The following NEXMIF variants were observed in gnomAD, a reference collection of about 807,000 sequenced individuals.
The protein encoded by NEXMIF is XLMR protein related to neurite extension.
In NEXMIF, 8 loss-of-function variants were observed where a neutral mutation model predicts 62.1. The ratio of observed to expected loss-of-function variants is 0.13; its 90% confidence interval spans 0.08 to 0.23. The LOEUF (loss-of-function observed/expected upper bound fraction) is 0.23, where lower values mean the gene tolerates loss of function less well. Ranked by LOEUF, NEXMIF falls within the 10% of genes least tolerant of loss-of-function variation. NEXMIF has a pLI of 1.00. For missense variants in NEXMIF, 976 were observed against 1,113.3 expected (o/e 0.88, Z 1.75); for synonymous variants, 404 against 416.6 (o/e 0.97, Z 0.37).
intron 1 of NEXMIF, among the ~76,000 whole-genome samples, chrX:74,885,930 C>T (rs1165563034): frequency 2.7e-5 from 3 of 111,979 alleles, no homozygotes; most frequent in Non-Finnish European, 3.8e-5. Context: ...TCCAGCAACA[C>T]ATCAAAAAGC....
intron 1 of NEXMIF, among the ~76,000 whole-genome samples, chrX:74,843,911 G>T (rs1297571848): frequency 8.9e-6 from 1 of 111,978 alleles, no homozygotes; most frequent in Non-Finnish European, 1.9e-5. Flanking sequence ...TTTTGTATTA[G>T]CCAGTAGCAG....
In NEXMIF at chrX:74,861,291, G is replaced by A. The variant is rs189356220; in HGVS notation, c.-48+63592C>T. 1.6e-4 allele frequency among the ~76,000 whole-genome samples: 18 copies of A among 111,807 alleles called. No individual in the cohort carries two copies. In the East Asian group the frequency reaches 3.7e-3, roughly 23 times the overall value. ...GAAATAAGACAGGCAGGCAAGATTA[G>A]AAGAAACAGAATAACAAGGAATGAA... On this transcript the variant is annotated intron_variant, in intron 1 of 3. Transcript: ENST00000055682.
intron 1 of NEXMIF, among the ~76,000 whole-genome samples, chrX:74,868,418 T>G (rs1438729963): frequency 9.0e-6 from 1 of 111,718 alleles, no homozygotes; most frequent in Non-Finnish European, 1.9e-5. Flanking sequence ...AAATGTGGTA[T>G]ATATACACCA....
intron 1 of NEXMIF, among the ~76,000 whole-genome samples, chrX:74,843,933 G>A (rs758457463): frequency 1.3e-4 from 14 of 111,830 alleles, no homozygotes; most frequent in East Asian, 2.8e-4. Context: ...CTTTCCTTTC[G>A]ATATTTAGTG....
At chrX:74,844,221 C>T (rs956136990) in intron 1 of NEXMIF, among the ~76,000 whole-genome samples, 1 of 111,273 alleles carries the variant, frequency 9.0e-6, no homozygotes, top group African/African-American at 3.3e-5. Context: ...TTCTTTCTTT[C>T]ATTTTGACCT....
intron 1 of NEXMIF, among the ~76,000 whole-genome samples, chrX:74,747,361 G>A (rs1364567455): frequency 9.0e-6 from 1 of 110,980 alleles, no homozygotes; most frequent in Non-Finnish European, 1.9e-5. Flanking sequence ...CACAATGAGA[G>A]ATCTATGAAA....
At chrX:74,749,957 G>T (rs1468885061) in intron 1 of NEXMIF, among the ~76,000 whole-genome samples, 2 of 111,738 alleles carry the variant, frequency 1.8e-5, no homozygotes, top group East Asian at 5.6e-4. Context: ...GGCTGAAATA[G>T]GTACAAACAA....
At chrX:74,846,050 A>G (rs2080490953) in intron 1 of NEXMIF, among the ~76,000 whole-genome samples, 1 of 112,427 alleles carries the variant, frequency 8.9e-6, no homozygotes, top group African/African-American at 3.2e-5. Flanking sequence ...ATTAGCATCC[A>G]TTGTAATTAA....
chrX:74,857,252 C>G (rs1022600502), intron 1 of NEXMIF, among the ~76,000 whole-genome samples: 1 of 111,839 alleles, frequency 8.9e-6, no homozygotes, highest in African/African-American at 3.3e-5. Flanking sequence ...CAAAAGAGAC[C>G]CCTTCCTTCC....
chrX:74,875,475 C>T (rs2080627057), intron 1 of NEXMIF, among the ~76,000 whole-genome samples: 1 of 111,756 alleles, frequency 8.9e-6, no homozygotes, highest in Non-Finnish European at 1.9e-5. Flanking sequence ...TGTGTCTCTG[C>T]CAGGCTTTGG....
At chrX:74,756,771 A>G (rs1009860476) in intron 1 of NEXMIF, among the ~76,000 whole-genome samples, 1 of 112,075 alleles carries the variant, frequency 8.9e-6, no homozygotes, top group Non-Finnish European at 1.9e-5. Flanking sequence ...ACCCAACTCA[A>G]GCCAATCCTG....
chrX:74,831,974 A>T (rs192132734), intron 1 of NEXMIF, among the ~76,000 whole-genome samples: 1 of 112,332 alleles, frequency 8.9e-6, no homozygotes, highest in East Asian at 2.8e-4. Flanking sequence ...CTTGGTCACA[A>T]TGAATGATCA....
intron 1 of NEXMIF, among the ~76,000 whole-genome samples, chrX:74,791,608 G>T (rs1245796792): frequency 9.0e-6 from 1 of 110,982 alleles, no homozygotes; most frequent in Non-Finnish European, 1.9e-5. Context: ...ATCTGGTCCT[G>T]GACTCTTTTT....
chrX:74,875,399 T>C (rs1464514382), intron 1 of NEXMIF, among the ~76,000 whole-genome samples: 2 of 112,249 alleles, frequency 1.8e-5, no homozygotes, highest in South Asian at 3.7e-4. Flanking sequence ...GGTTTGCTGG[T>C]ATTTTATTGA....
At chrX:74,904,597 C>T (rs2080760665) in intron 1 of NEXMIF, among the ~76,000 whole-genome samples, 1 of 111,372 alleles carries the variant, frequency 9.0e-6, no homozygotes. Context: ...GGAAAATGGA[C>T]AATTCTTGAT....
chrX:74,873,211 A>G (rs1298149572), intron 1 of NEXMIF, among the ~76,000 whole-genome samples: 1 of 110,192 alleles, frequency 9.1e-6, no homozygotes, highest in Non-Finnish European at 1.9e-5. Context: ...TCATTGTTCA[A>G]TTCCCACCTA....
chrX:74,821,102 G>GA lies in NEXMIF; in HGVS notation c.-47-75406dup, dbSNP rs201011014. ...ACTATGTTGTCCAGGCTGCTGTCCAGAAAAAAAAAATCTCTCATACTTTAG... is the reference window on the plus strand; with the variant it reads ...ACTATGTTGTCCAGGCTGCTGTCCAGAAAAAAAAAAATCTCTCATACTTTAG... On this transcript the variant is annotated intron_variant, in intron 1 of 3. Transcript: ENST00000055682. Among the ~76,000 whole-genome samples, 403 of 107,115 alleles carry GA rather than the reference G, an allele frequency of 3.8e-3. 3 individuals carry two copies. Among genetic ancestry groups the GA allele is most frequent in the African/African-American group, 0.012 (356 of 29,461 alleles). The allele number at this position is 107,115 out of a possible 115,157, so 93.0% of individuals were successfully genotyped here.
chrX:74,867,213 T>G (rs2080583303), intron 1 of NEXMIF, among the ~76,000 whole-genome samples: 1 of 112,088 alleles, frequency 8.9e-6, no homozygotes, highest in Admixed American at 9.5e-5. Context: ...CCCAAAGTAA[T>G]TTATAGATTC....
intron 1 of NEXMIF, among the ~76,000 whole-genome samples, chrX:74,806,221 T>C (rs2080344569): frequency 9.0e-6 from 1 of 111,172 alleles, no homozygotes; most frequent in Non-Finnish European, 1.9e-5. Context: ...ATGTTTTATC[T>C]AAAAAGTTAT....
Sources: allele counts gnomAD v4.1 joint callset (sites outside exome capture counted in the v4.1 genomes callset), GRCh38; gene constraint gnomAD v4.1.1; transcripts MANE v1.5; gene names NCBI Gene and HGNC (gene_info 2026-07-23, HGNC 2026-07-21).